The following CYSLTR1 variants were observed in gnomAD, a reference collection of about 807,000 sequenced individuals.
The protein encoded by CYSLTR1 is cysteinyl leukotriene receptor 1.
CYSLTR1 carries 1 observed loss-of-function variant against 2.1 expected under a neutral mutation model. The ratio of observed to expected loss-of-function variants is 0.48; its 90% CI spans 0.17 to 2.28. The LOEUF is 2.28. Ranked by LOEUF, CYSLTR1 falls within the 30% of genes most tolerant of loss-of-function variation. The probability of loss-of-function intolerance (pLI) is 0.26; values close to 1 mark genes in which losing one functional copy is unlikely to be tolerated. For synonymous variants in CYSLTR1, 110 were observed against 89.6 expected, an observed-to-expected ratio of 1.23 and a Z score of -1.28; for missense variants, 299 against 250.1, an observed-to-expected ratio of 1.20 and a Z score of -1.32.
intron 1 of CYSLTR1, among the ~76,000 whole-genome samples, chrX:78,303,869 G>C (rs1326853369): frequency 9.0e-6 from 1 of 111,469 alleles, no homozygotes; most frequent in Non-Finnish European, 1.9e-5. Flanking sequence ...ATACAATAGG[G>C]CTTGAATTAT....
chrX:78,312,106 TA>T (rs763285377), intron 1 of CYSLTR1, among the ~76,000 whole-genome samples: 10 of 111,104 alleles, frequency 9.0e-5, no homozygotes, highest in Non-Finnish European at 1.9e-4. Flanking sequence ...GTAACCAAAA[TA>T]GCATGATACT....
chrX:78,287,743 T>C (rs572730009), intron 1 of CYSLTR1, among the ~76,000 whole-genome samples: 1 of 111,068 alleles, frequency 9.0e-6, no homozygotes, highest in African/African-American at 3.3e-5. Flanking sequence ...GAAGAGCAAA[T>C]CAGCAGATCC....
intron 1 of CYSLTR1, among the ~76,000 whole-genome samples, chrX:78,310,401 C>T (rs1025714233): frequency 6.3e-5 from 7 of 111,960 alleles, no homozygotes; most frequent in African/African-American, 2.3e-4. Context: ...TTCTAACCAT[C>T]GTTAAGACAA....
chrX:78,313,172 G>A (rs1041461834), intron 1 of CYSLTR1, among the ~76,000 whole-genome samples: 5 of 111,869 alleles, frequency 4.5e-5, no homozygotes. Flanking sequence ...CAAGATGGAC[G>A]GAGCTGGAGG....
At chrX:78,325,275 C>G (rs984291432) in intron 1 of CYSLTR1, among the ~76,000 whole-genome samples, 1 of 111,134 alleles carries the variant, frequency 9.0e-6, no homozygotes, top group African/African-American at 3.3e-5. Flanking sequence ...GTTGCTGAGA[C>G]TTAGAGTGAT....
chrX:78,288,216 T>C (rs777573523), intron 1 of CYSLTR1, among the ~76,000 whole-genome samples: 13 of 108,675 alleles, frequency 1.2e-4, no homozygotes, highest in South Asian at 4.0e-4. Flanking sequence ...AAAAAAAAAA[T>C]AAGGTGCCAA....
rs200459301 is a variant in CYSLTR1, at chrX:78,273,385, C to G, written c.362G>C (p.Arg121Pro). 2.5e-6 allele frequency: 3 copies of G among 1,209,115 alleles called. No individual in the cohort carries two copies. Among genetic ancestry groups the G allele is most frequent in the Non-Finnish European group, 3.4e-6 (3 of 894,998 alleles). The change falls in exon 3 of 3, where the codon CGG (arginine) becomes CCG (proline). Residue 121 changes from arginine to proline, a missense_variant. Physicochemically the swap from Arg to Pro is moderately radical, Grantham distance 103. Transcript: ENST00000373304. ...GACTGGAAAAACAATTGCAATGCAC[C>G]GGAAAAAGCTCATGGCTGTCATAAA... ...IFFMTAMSFF[R>P]CIAIVFPVQN...
chrX:78,273,044 T>C lies in CYSLTR1; in HGVS notation c.703A>G (p.Ile235Val), dbSNP rs764665474. ...LSSHKKAIGM[I>V]MVVTAAFLVS... ...AAAAAGGCAGCGGTCACGACCATGA[T>C]CATTCCTATAGCCTTTTTATGACTT... is the stretch of plus-strand genomic sequence containing the variant. The change falls in exon 3 of 3, where the codon ATC (isoleucine) becomes GTC (valine). Residue 235 changes from isoleucine to valine, a missense_variant. Physicochemically the swap from Ile to Val is conservative, Grantham distance 29. Transcript: ENST00000373304. 1 of 1,211,766 alleles carries C rather than the reference T, an allele frequency of 8.3e-7. No individual in the cohort carries two copies. Among genetic ancestry groups the C allele is most frequent in the Non-Finnish European group, 1.1e-6 (1 of 895,439 alleles).
At chrX:78,282,655 A>G (rs894848806) in intron 2 of CYSLTR1, among the ~76,000 whole-genome samples, 5 of 111,626 alleles carry the variant, frequency 4.5e-5, no homozygotes, top group Non-Finnish European at 9.4e-5. Flanking sequence ...AATCCTGGCT[A>G]CTCAAGAGGC....
intron 1 of CYSLTR1, among the ~76,000 whole-genome samples, chrX:78,317,956 G>A (rs1279661236): frequency 9.0e-6 from 1 of 111,321 alleles, no homozygotes; most frequent in Non-Finnish European, 1.9e-5. Flanking sequence ...GAAACCACCT[G>A]TTCCCCCAAT....
At chrX:78,291,059 T>C (rs1025682667) in intron 1 of CYSLTR1, among the ~76,000 whole-genome samples, 18 of 111,889 alleles carry the variant, frequency 1.6e-4, no homozygotes, top group Non-Finnish European at 2.4e-4. Context: ...ATGCTTCCAG[T>C]TTTTGCCCAT....
intron 2 of CYSLTR1, among the ~76,000 whole-genome samples, chrX:78,275,023 A>T (rs1921516821): frequency 1.8e-5 from 2 of 111,448 alleles, no homozygotes; most frequent in Admixed American, 9.5e-5. Flanking sequence ...TCAAAACCAC[A>T]ATGAGATACC....
At chrX:78,282,226 C>T (rs1833975873) in intron 2 of CYSLTR1, among the ~76,000 whole-genome samples, 1 of 111,786 alleles carries the variant, frequency 8.9e-6, no homozygotes, top group Admixed American at 9.5e-5. Flanking sequence ...CTAAGTCTTC[C>T]CTCAGCCTCT....
At chrX:78,281,336 G>A (rs990631838) in intron 2 of CYSLTR1, among the ~76,000 whole-genome samples, 8 of 108,328 alleles carry the variant, frequency 7.4e-5, no homozygotes, top group African/African-American at 2.7e-4. Context: ...GCACAATCTC[G>A]GCTCACTGCA....
intron 2 of CYSLTR1, among the ~76,000 whole-genome samples, chrX:78,276,188 C>G (rs1005536205): frequency 8.9e-6 from 1 of 111,840 alleles, no homozygotes; most frequent in Non-Finnish European, 1.9e-5. Flanking sequence ...TAGTCTATTT[C>G]AGCTCTGTCA....
intron 1 of CYSLTR1, among the ~76,000 whole-genome samples, chrX:78,285,421 C>CAA (rs397897021): frequency 0.034 from 2,188 of 64,881 alleles, 103 homozygotes; most frequent in African/African-American, 0.1. Flanking sequence ...GACTCCGTCT[C>CAA]AAAAAAAAAA....
intron 1 of CYSLTR1, among the ~76,000 whole-genome samples, chrX:78,290,103 A>T (rs1017041447): frequency 1.8e-5 from 2 of 112,035 alleles, no homozygotes; most frequent in Non-Finnish European, 3.8e-5. Context: ...TAGGTCTTAC[A>T]TTTAAGTCTT....
chrX:78,285,535 A>AT (rs1922032519), intron 1 of CYSLTR1, among the ~76,000 whole-genome samples: 1 of 111,636 alleles, frequency 9.0e-6, no homozygotes, highest in African/African-American at 3.3e-5. Context: ...CAAAGCTTAT[A>AT]TTTTTCCCTA....
At chrX:78,305,781 G>T (rs1398399381) in intron 1 of CYSLTR1, among the ~76,000 whole-genome samples, 1 of 112,718 alleles carries the variant, frequency 8.9e-6, no homozygotes, top group Non-Finnish European at 1.9e-5. Context: ...CGCCCTCAAG[G>T]CTCATCCATG....
Sources: gnomAD v4.1 joint callset for allele counts (sites outside exome capture counted in the v4.1 genomes callset) on GRCh38, gnomAD v4.1.1 for gene constraint, MANE v1.5 for transcripts, NCBI Gene and HGNC (gene_info 2026-07-23, HGNC 2026-07-21) for gene names.